SCML4: variants seen among roughly 807,000 people sequenced by gnomAD.
SCML4 encodes the protein Scm polycomb group protein like 4.
A neutral mutation model predicts 41.1 loss-of-function variants in SCML4; 34 were observed. That is an observed-to-expected ratio of 0.83 (90% confidence interval 0.63 to 1.10). The LOEUF is 1.10. SCML4 is among the 50% of genes least tolerant of loss of function. The pLI is 0.00. For missense variants in SCML4, 522 were observed against 534.1 expected, an observed-to-expected ratio of 0.98 and a Z score of 0.22; for synonymous variants, 214 against 220.9, an observed-to-expected ratio of 0.97 and a Z score of 0.28.
intron 1 of SCML4, among the ~76,000 whole-genome samples, chr6:107,791,036 C>T (rs915984724): frequency 6.7e-6 from 1 of 150,080 alleles, no homozygotes; most frequent in Non-Finnish European, 1.5e-5. Context: ...CACCATTGCA[C>T]TCCAGCCTGG....
chr6:107,756,395 AT>A (rs1419921765), intron 2 of SCML4, among the ~76,000 whole-genome samples: 9 of 152,318 alleles, frequency 5.9e-5, no homozygotes, highest in Admixed American at 5.9e-4. Flanking sequence ...TGAGAAAAAC[AT>A]TAGACAAACT....
chr6:107,730,385 A>C (rs909694750), intron 5 of SCML4, among the ~76,000 whole-genome samples: 10 of 152,178 alleles, frequency 6.6e-5, no homozygotes, highest in African/African-American at 2.4e-4. Context: ...ATCTGAAAGA[A>C]GCTGTCTTGT....
chr6:107,786,449 G>C (rs1332432126), intron 1 of SCML4, among the ~76,000 whole-genome samples: 2 of 151,494 alleles, frequency 1.3e-5, no homozygotes, highest in Non-Finnish European at 2.9e-5. Flanking sequence ...ATTGCTACTT[G>C]GACAGAATCT....
intron 5 of SCML4, among the ~76,000 whole-genome samples, chr6:107,723,459 T>C (rs767031150): frequency 2.0e-5 from 3 of 152,194 alleles, no homozygotes; most frequent in Non-Finnish European, 4.4e-5. Flanking sequence ...TCAGTGAATG[T>C]GTATCACTTT....
chr6:107,755,333 T>C (rs192607197), intron 2 of SCML4, among the ~76,000 whole-genome samples: 98 of 152,334 alleles, frequency 6.4e-4, no homozygotes, highest in Non-Finnish European at 1.2e-3. Context: ...GGGTAGTATA[T>C]GGCTTTTTAA....
At chr6:107,712,090 A>C (rs1728126) in intron 6 of SCML4, among the ~76,000 whole-genome samples, 1 of 151,650 alleles carries the variant, frequency 6.6e-6, no homozygotes, top group Non-Finnish European at 1.5e-5. Flanking sequence ...GCCGATCCAC[A>C]CTTATTAAAG....
intron 1 of SCML4, among the ~76,000 whole-genome samples, chr6:107,802,544 C>T (rs1341994384): frequency 2.0e-5 from 3 of 146,500 alleles, no homozygotes; most frequent in African/African-American, 7.6e-5. Flanking sequence ...GAGTGTCTTT[C>T]AGGCCACTTA....
In SCML4 at chr6:107,749,692, G is replaced by A; in HGVS notation, c.278C>T (p.Ala93Val). The A allele has an allele frequency of 1.2e-6, 2 of 1,613,982 alleles. No homozygotes were observed. The highest frequency in any genetic ancestry group is 1.7e-6 in the Non-Finnish European group (2 of 1,179,994). ...TCATTCTGCTGACCTACCTGTGAGA[G>A]CCTGTGGGGCCGCCAAGCTGGGGAC... ...ATVPSLAAPQ[A>V]LTVCLYINKQ... The change falls in exon 3 of 8, where the codon GCT (alanine) becomes GTT (valine). Residue 93 changes from alanine to valine, a missense_variant. By Grantham distance (64) the Ala-to-Val change is moderately conservative. Coordinates refer to ENST00000369020, the MANE Select transcript of SCML4 (RefSeq NM_198081.5).
intron 1 of SCML4, among the ~76,000 whole-genome samples, chr6:107,818,356 A>G (rs577214376): frequency 1.3e-5 from 2 of 152,324 alleles, no homozygotes; most frequent in South Asian, 4.1e-4. Flanking sequence ...AAATGACCAC[A>G]GATTCCTCAC....
At chr6:107,766,983 G>A (rs911578972) in intron 2 of SCML4, among the ~76,000 whole-genome samples, 3 of 139,274 alleles carry the variant, frequency 2.2e-5, no homozygotes, top group African/African-American at 5.3e-5. Context: ...ACAGAATCTC[G>A]CCCTGTCACT....
intron 1 of SCML4, among the ~76,000 whole-genome samples, chr6:107,805,019 C>T (rs1783618104): frequency 6.6e-6 from 1 of 152,162 alleles, no homozygotes; most frequent in African/African-American, 2.4e-5. Flanking sequence ...GGGCTTTACA[C>T]AGTCAGTCAA....
chr6:107,798,111 G>A (rs190560509), intron 1 of SCML4, among the ~76,000 whole-genome samples: 174 of 152,056 alleles, frequency 1.1e-3, no homozygotes, highest in Non-Finnish European at 1.8e-3. Context: ...CAAGTTTGAT[G>A]ACAGGATTAT....
intron 2 of SCML4, among the ~76,000 whole-genome samples, chr6:107,769,475 T>A (rs1201713303): frequency 2.0e-5 from 3 of 152,122 alleles, no homozygotes; most frequent in Non-Finnish European, 1.5e-5. Flanking sequence ...TGCACAGAGG[T>A]GATTGACAGA....
At chr6:107,778,555 C>A (rs1049883419) in intron 1 of SCML4, among the ~76,000 whole-genome samples, 1 of 152,028 alleles carries the variant, frequency 6.6e-6, no homozygotes, top group Admixed American at 6.6e-5. Flanking sequence ...TCTTATCAAG[C>A]CAAGACTTGG....
chr6:107,756,647 T>A (rs941346705), intron 2 of SCML4, among the ~76,000 whole-genome samples: 3 of 152,144 alleles, frequency 2.0e-5, no homozygotes, highest in Non-Finnish European at 4.4e-5. Flanking sequence ...GGTTCACTAG[T>A]TGAGACAAAC....
chr6:107,818,204 CT>C (rs1262676215), intron 1 of SCML4, among the ~76,000 whole-genome samples: 1 of 152,076 alleles, frequency 6.6e-6, no homozygotes, highest in East Asian at 1.9e-4. Context: ...GCTCGGGCAC[CT>C]TTGGCATCTG....
At chr6:107,768,992 T>C (rs1427211865) in intron 2 of SCML4, among the ~76,000 whole-genome samples, 2 of 152,154 alleles carry the variant, frequency 1.3e-5, no homozygotes, top group African/African-American at 4.8e-5. Flanking sequence ...GGTCATGAAA[T>C]GTAAGGAAAA....
intron 1 of SCML4, among the ~76,000 whole-genome samples, chr6:107,774,918 G>T (rs1291808276): frequency 6.6e-6 from 1 of 151,764 alleles, no homozygotes; most frequent in East Asian, 1.9e-4. Context: ...AACTACTAGG[G>T]AGGCTGAGGC....
the SCML4 span, among the ~76,000 whole-genome samples, chr6:107,836,843 T>G: frequency 6.6e-6 from 1 of 152,180 alleles, no homozygotes; most frequent in South Asian, 2.1e-4. Context: ...GTACATGTCT[T>G]GTTAAATCCT....
Sources: allele counts gnomAD v4.1 joint callset (sites outside exome capture counted in the v4.1 genomes callset), GRCh38; gene constraint gnomAD v4.1.1; transcripts MANE v1.5; gene names NCBI Gene and HGNC (gene_info 2026-07-23, HGNC 2026-07-21).